SMARCC1: variants seen among roughly 807,000 people sequenced by gnomAD.
SMARCC1 encodes the protein SWI/SNF related BAF chromatin remodeling complex subunit C1.
In SMARCC1, 43 loss-of-function variants were observed where a neutral mutation model predicts 147.4. The ratio of observed to expected loss-of-function variants is 0.29; its 90% CI spans 0.23 to 0.38. The LOEUF (loss-of-function observed/expected upper bound fraction) is 0.38. Ranked by LOEUF, SMARCC1 falls within the 10% of genes least tolerant of loss-of-function variation. The pLI is 1.00. For missense variants in SMARCC1, 1,119 were observed against 1,381.1 expected, an observed-to-expected ratio of 0.81 and a Z score of 3.01; for synonymous variants, 495 against 484.4, an observed-to-expected ratio of 1.02 and a Z score of -0.29.
At chr3:47,727,438 C>A (rs544640781) in intron 6 of SMARCC1, among the ~76,000 whole-genome samples, 2 of 151,732 alleles carry the variant, frequency 1.3e-5, no homozygotes, top group Non-Finnish European at 2.9e-5. Flanking sequence ...ACCCAGGAGG[C>A]GGAGGTTGCA....
intron 21 of SMARCC1, among the ~76,000 whole-genome samples, chr3:47,645,278 G>A (rs1345617691): frequency 1.3e-5 from 2 of 148,328 alleles, no homozygotes; most frequent in African/African-American, 2.5e-5. Context: ...GTGACAGAGC[G>A]AGACCCTGTC....
intron 18 of SMARCC1, among the ~76,000 whole-genome samples, chr3:47,671,914 C>A (rs530229047): frequency 6.6e-6 from 1 of 152,000 alleles, no homozygotes; most frequent in South Asian, 2.1e-4. Context: ...CTACACACTG[C>A]ATGAAAAAAA....
intron 25 of SMARCC1, among the ~76,000 whole-genome samples, chr3:47,620,385 C>T (rs1438101063): frequency 6.6e-6 from 1 of 151,904 alleles, no homozygotes; most frequent in East Asian, 1.9e-4. Flanking sequence ...ATGGCTTGAA[C>T]CTGGGAGGTG....
intron 26 of SMARCC1, among the ~76,000 whole-genome samples, chr3:47,598,134 C>T (rs1015774441): frequency 1.3e-5 from 2 of 152,178 alleles, no homozygotes; most frequent in African/African-American, 4.8e-5. Flanking sequence ...TCCTACCCCA[C>T]ATCACCTGCT....
chr3:47,720,660 C>A lies in SMARCC1; in HGVS notation c.716+6G>T, dbSNP rs1197586379. 6.3e-7 allele frequency: 1 copy of A among 1,588,354 alleles called. No homozygotes were observed. Among genetic ancestry groups the A allele is most frequent in the Admixed American group, 1.7e-5 (1 of 59,710 alleles). ...TATACCAGGTCTCACAGCATATGAACATTACCTGTCTGGGTAAAAGCCCCA... is the reference window on the plus strand; with the variant it reads ...TATACCAGGTCTCACAGCATATGAAAATTACCTGTCTGGGTAAAAGCCCCA... On this transcript the variant is annotated splice_donor_region_variant and intron_variant, in intron 7 of 27. Transcript: ENST00000254480.
chr3:47,712,905 A>C (rs550104087), intron 8 of SMARCC1, among the ~76,000 whole-genome samples: 1 of 152,340 alleles, frequency 6.6e-6, no homozygotes, highest in African/African-American at 2.4e-5. Context: ...ACAGGGAAAT[A>C]GATGTCTAAA....
chr3:47,753,712 C>CAAAAAAAAAA (rs71070226), intron 2 of SMARCC1, among the ~76,000 whole-genome samples: 4 of 69,614 alleles, frequency 5.7e-5, no homozygotes, highest in Non-Finnish European at 1.0e-4. Flanking sequence ...AACTCCATCT[C>CAAAAAAAAAA]AAAAAAAAAA....
At chr3:47,730,166 C>A (rs185967775) in intron 5 of SMARCC1, among the ~76,000 whole-genome samples, 1 of 151,620 alleles carries the variant, frequency 6.6e-6, no homozygotes, top group Admixed American at 6.6e-5. Flanking sequence ...AGTGAGACTC[C>A]GTCTCAAAAA....
chr3:47,721,359 A>T (rs1441667048), intron 6 of SMARCC1, among the ~76,000 whole-genome samples: 2 of 152,086 alleles, frequency 1.3e-5, no homozygotes, highest in Non-Finnish European at 2.9e-5. Context: ...TTTTTCAAAA[A>T]TTTTTTCCAA....
intron 14 of SMARCC1, among the ~76,000 whole-genome samples, 189 bp from the exon 15 acceptor site, chr3:47,680,697 G>A (rs554147321): frequency 1.1e-4 from 16 of 150,822 alleles, no homozygotes; most frequent in Admixed American, 2.0e-4. Flanking sequence ...ACAGGCGCCC[G>A]CCACTACGCC....
At chr3:47,672,813 CT>C (rs1228497956) in intron 18 of SMARCC1, among the ~76,000 whole-genome samples, 1 of 152,076 alleles carries the variant, frequency 6.6e-6, no homozygotes, top group Non-Finnish European at 1.5e-5. Flanking sequence ...GAGTCTTGCT[CT>C]GTCACCCAGG....
chr3:47,607,943 A>G (rs1318470701), intron 26 of SMARCC1, among the ~76,000 whole-genome samples: 2 of 152,204 alleles, frequency 1.3e-5, no homozygotes, highest in Non-Finnish European at 2.9e-5. Flanking sequence ...ATATTAAAAA[A>G]TTTATAATTT....
At chr3:47,618,827 C>T (rs533865130) in intron 25 of SMARCC1, among the ~76,000 whole-genome samples, 2 of 152,208 alleles carry the variant, frequency 1.3e-5, no homozygotes, top group East Asian at 3.9e-4. Flanking sequence ...GAGGAAAGAG[C>T]TCCTTGCCAA....
chr3:47,714,230 G>A (rs2034127724), intron 8 of SMARCC1, among the ~76,000 whole-genome samples, 185 bp downstream of exon 8: 1 of 152,194 alleles, frequency 6.6e-6, no homozygotes, highest in South Asian at 2.1e-4. Flanking sequence ...CTAACGTGGT[G>A]GCGTGTGCCT....
At chr3:47,768,159 T>C (rs1204190949) in intron 2 of SMARCC1, among the ~76,000 whole-genome samples, 1 of 152,156 alleles carries the variant, frequency 6.6e-6, no homozygotes, top group African/African-American at 2.4e-5. Context: ...CCATACTGAT[T>C]ACTCAGGGAA....
intron 24 of SMARCC1, among the ~76,000 whole-genome samples, chr3:47,628,968 C>T (rs1399886542): frequency 1.3e-5 from 2 of 152,176 alleles, no homozygotes; most frequent in Admixed American, 6.5e-5. Context: ...CACTGCAAAA[C>T]TCTGCTAATT....
intron 22 of SMARCC1, 135 bp downstream of exon 22, chr3:47,638,590 C>T (rs902038604): frequency 8.6e-6 from 6 of 694,508 alleles, no homozygotes; most frequent in Middle Eastern, 2.5e-4. Context: ...GAGAACTATA[C>T]CTTAAACCAG....
chr3:47,743,193 T>G (rs1469238480), intron 3 of SMARCC1, among the ~76,000 whole-genome samples: 1 of 152,174 alleles, frequency 6.6e-6, no homozygotes, highest in East Asian at 1.9e-4. Flanking sequence ...CAGGTCAGTA[T>G]TCAGATATCC....
chr3:47,765,818 C>T (rs1413018765), intron 2 of SMARCC1, among the ~76,000 whole-genome samples: 1 of 152,028 alleles, frequency 6.6e-6, no homozygotes, highest in African/African-American at 2.4e-5. Context: ...CTGCAACCTC[C>T]GCCTCCTGGG....
Sources: gnomAD v4.1 joint callset for allele counts (sites outside exome capture counted in the v4.1 genomes callset) on GRCh38, gnomAD v4.1.1 for gene constraint, MANE v1.5 for transcripts, NCBI Gene and HGNC (gene_info 2026-07-23, HGNC 2026-07-21) for gene names.